Variants in TTC21B observed in about 807,000 individuals in gnomAD.
The protein encoded by TTC21B is tetratricopeptide repeat protein 21B.
In TTC21B, 127 loss-of-function variants were observed where a neutral mutation model predicts 175.1. That is an observed-to-expected ratio of 0.73 (90% CI 0.63 to 0.84). The LOEUF (loss-of-function observed/expected upper bound fraction) is 0.84, where lower values mean the gene tolerates loss of function less well. Ranked by LOEUF, TTC21B falls within the 40% of genes least tolerant of loss-of-function variation. The pLI, the probability that TTC21B is intolerant of heterozygous loss-of-function variation, is 0.00. For missense variants in TTC21B, 1,561 were observed against 1,558.3 expected (o/e 1.00, Z -0.03); for synonymous variants, 524 against 524.5 (o/e 1.00, Z 0.01).
At chr2:165,894,708 G>C (rs974931991) in intron 22 of TTC21B, among the ~76,000 whole-genome samples, 7 of 152,084 alleles carry the variant, frequency 4.6e-5, no homozygotes, top group Admixed American at 4.6e-4. Context: ...AATTGACTTG[G>C]TGTTTTACAG....
In TTC21B at chr2:165,890,507, C is replaced by A; in HGVS notation, c.3235G>T (p.Val1079Leu). 6.2e-7 allele frequency: 1 copy of A among 1,613,548 alleles called. No homozygotes were observed. The highest frequency in any genetic ancestry group is 8.5e-7 in the Non-Finnish European group (1 of 1,179,676). The change falls in exon 24 of 29, where the codon GTA becomes TTA. Residue 1079 changes from valine to leucine, a missense_variant. Val to Leu is a conservative substitution (Grantham distance 32, BLOSUM62 1). Coordinates refer to ENST00000243344, the MANE Select transcript of TTC21B (RefSeq NM_024753.5). Reference protein sequence around the residue: ...NPDNETVGGEVFENLDGDLGN... With the variant: ...NPDNETVGGELFENLDGDLGN... ...AGGTCTCCATCCAGGTTTTCAAATACTTCACCTCCAACAGTTTCATTATCT... is the reference window on the plus strand; with the variant it reads ...AGGTCTCCATCCAGGTTTTCAAATAATTCACCTCCAACAGTTTCATTATCT...
rs769376516 is a variant in TTC21B at position 165,953,739 on chromosome 2, G to T, written c.-34C>A. 6 of 1,544,982 alleles carry T rather than the reference G, an allele frequency of 3.9e-6. No homozygotes were observed. Among genetic ancestry groups the T allele is most frequent in the Admixed American group, 2.0e-5 (1 of 50,690 alleles). Reference sequence around the variant, plus strand: ...CGAGGCCGGGCCGCGGGGCTCTGGGGATTGTCTCGCCGCAGCCTAAAGGAA... The same window carrying T: ...CGAGGCCGGGCCGCGGGGCTCTGGGTATTGTCTCGCCGCAGCCTAAAGGAA... On this transcript the variant is annotated 5_prime_UTR_variant, in exon 1 of 29. Coordinates refer to ENST00000243344, the MANE Select transcript of TTC21B (RefSeq NM_024753.5).
intron 25 of TTC21B, among the ~76,000 whole-genome samples, chr2:165,885,378 T>C (rs751934958): frequency 3.3e-5 from 5 of 151,808 alleles, no homozygotes; most frequent in African/African-American, 4.8e-5. Context: ...TTTAGAAATA[T>C]AAAAACTTCC....
At chr2:165,889,808 A>T (rs780196008) in intron 24 of TTC21B, among the ~76,000 whole-genome samples, 16 of 152,180 alleles carry the variant, frequency 1.1e-4, no homozygotes, top group Non-Finnish European at 1.8e-4. Flanking sequence ...TTGCAGATTG[A>T]AAGGTTTCAG....
At chr2:165,952,914 G>A (rs1687803989) in intron 1 of TTC21B, among the ~76,000 whole-genome samples, 1 of 152,212 alleles carries the variant, frequency 6.6e-6, no homozygotes, top group Non-Finnish European at 1.5e-5. Context: ...CACATAGGAG[G>A]CATTCAGTAA....
At position 165,953,744 on chromosome 2, in the gene TTC21B, T is replaced by C; in HGVS notation, c.-39A>G. 4 of 1,546,172 alleles carry C rather than the reference T, an allele frequency of 2.6e-6. No individual in the cohort carries two copies. The highest frequency in any genetic ancestry group is 2.8e-5 in the African/African-American group (2 of 72,512). ...CCGGGCCGCGGGGCTCTGGGGATTG[T>C]CTCGCCGCAGCCTAAAGGAAGACGC... On this transcript the variant is annotated 5_prime_UTR_variant, in exon 1 of 29. Transcript: ENST00000243344.
intron 3 of TTC21B, 176 bp downstream of exon 3, chr2:165,949,218 C>T (rs1687683793): frequency 3.2e-6 from 2 of 626,532 alleles, no homozygotes; most frequent in South Asian, 2.0e-5. Flanking sequence ...GTATAAGACA[C>T]ATTTCTTGTG....
At chr2:165,910,734 C>T (rs889041766) in intron 18 of TTC21B, among the ~76,000 whole-genome samples, 1 of 152,040 alleles carries the variant, frequency 6.6e-6, no homozygotes, top group Admixed American at 6.5e-5. Flanking sequence ...TAATACCTAA[C>T]TTTATCACTC....
intron 18 of TTC21B, among the ~76,000 whole-genome samples, chr2:165,909,970 T>TGG (rs1266261721): frequency 1.3e-5 from 2 of 152,098 alleles, no homozygotes; most frequent in African/African-American, 4.8e-5. Context: ...GAGGCAAAGA[T>TGG]GGGGGCAGGG....
chr2:165,901,529 G>A (rs772668127), intron 20 of TTC21B, among the ~76,000 whole-genome samples, 193 bp downstream of exon 20: 1 of 151,790 alleles, frequency 6.6e-6, no homozygotes, highest in Non-Finnish European at 1.5e-5. Flanking sequence ...CCCCATGTTG[G>A]TCAGGCTGGT....
At chr2:165,888,212 C>A (rs1685072614) in intron 25 of TTC21B, 67 bp downstream of exon 25, 3 of 1,262,022 alleles carry the variant, frequency 2.4e-6, no homozygotes, top group African/African-American at 1.5e-5. Flanking sequence ...AACAACTAAT[C>A]AAAATATATG....
chr2:165,925,153 C>T (rs752380087), intron 11 of TTC21B, among the ~76,000 whole-genome samples: 4 of 152,086 alleles, frequency 2.6e-5, no homozygotes, highest in Non-Finnish European at 5.9e-5. Context: ...TTCAGATTTC[C>T]CCCAGTGGTA....
chr2:165,936,429 G>C (rs552532169), intron 6 of TTC21B, among the ~76,000 whole-genome samples: 37 of 152,026 alleles, frequency 2.4e-4, no homozygotes, highest in Non-Finnish European at 4.6e-4. Context: ...TACACAAAAG[G>C]CATAATTCAT....
chr2:165,911,408 C>A lies in TTC21B; in HGVS notation c.2380G>T (p.Asp794Tyr). Residue 794 changes from aspartate (D) to tyrosine (Y), a missense_variant, in exon 18 of 29, where the codon GAC becomes TAC. Transcript: ENST00000243344. ...KTGQKNYLCY[D>Y]LAELLLKLKW... is the part of the protein sequence containing the mutation. ...AATTTTAATAAGAGCTCAGCCAGGT[C>A]ATAGCAAAGATAATTCTTTTGTCCA... 4 of 1,613,816 alleles carry A rather than the reference C, an allele frequency of 2.5e-6. No homozygotes were observed. Among genetic ancestry groups the A allele is most frequent in the Non-Finnish European group, 3.4e-6 (4 of 1,179,890 alleles).
chr2:165,952,425 C>T (rs950278343), intron 1 of TTC21B, among the ~76,000 whole-genome samples: 3 of 152,048 alleles, frequency 2.0e-5, no homozygotes, highest in African/African-American at 7.2e-5. Flanking sequence ...ACTATCTGGC[C>T]CTTTGTTGAG....
At chr2:165,886,911 T>A (rs952265990) in intron 25 of TTC21B, among the ~76,000 whole-genome samples, 11 of 152,192 alleles carry the variant, frequency 7.2e-5, no homozygotes, top group African/African-American at 1.2e-4. Flanking sequence ...GCAGCTGTCA[T>A]CCATCTGCTC....
Position 165,929,764 on chromosome 2 carries a change from G to A in TTC21B, c.1088-17C>T, listed in dbSNP as rs1686817110. On this transcript the variant is annotated splice_polypyrimidine_tract_variant and intron_variant, in intron 9 of 28. Transcript: ENST00000243344. ...GGATAAATCCTAAAATCAAACAGCA[G>A]AAAGACAGTCAAAGTCCACACCAAT... The A allele has an allele frequency of 1.3e-6, 2 of 1,569,040 alleles. No individual in the cohort carries two copies. The highest frequency in any genetic ancestry group is 2.2e-5 in the South Asian group (2 of 90,190).
At chr2:165,936,331 A>T (rs1260124310) in intron 6 of TTC21B, among the ~76,000 whole-genome samples, 1 of 152,170 alleles carries the variant, frequency 6.6e-6, no homozygotes. Flanking sequence ...CACAGAGCTA[A>T]ATGTAAAACA....
chr2:165,901,264 T>C (rs1318336618), intron 20 of TTC21B, among the ~76,000 whole-genome samples: 2 of 152,140 alleles, frequency 1.3e-5, no homozygotes, highest in African/African-American at 4.8e-5. Flanking sequence ...TGAGGAATAA[T>C]ATTAATCTTT....
Sources: gnomAD v4.1 joint callset for allele counts (sites outside exome capture counted in the v4.1 genomes callset) on GRCh38, gnomAD v4.1.1 for gene constraint, MANE v1.5 for transcripts, NCBI Gene and HGNC (gene_info 2026-07-23, HGNC 2026-07-21) for gene names.